The following HSP90B1 variants were observed in gnomAD, a reference collection of about 807,000 sequenced individuals.
HSP90B1 encodes heat shock protein 90 beta family member 1, also known as endoplasmin.
HSP90B1 carries 27 observed loss-of-function variants against 100.4 expected under a neutral mutation model. The ratio of observed to expected loss-of-function variants is 0.27; its 90% CI spans 0.20 to 0.37. The LOEUF (loss-of-function observed/expected upper bound fraction) is 0.37. Ranked by LOEUF, HSP90B1 falls within the 10% of genes least tolerant of loss-of-function variation. The pLI is 1.00. For synonymous variants in HSP90B1, 304 were observed against 330.8 expected (o/e 0.92, Z 0.88); for missense variants, 678 against 960.5 (o/e 0.71, Z 3.89).
At position 103,931,642 on chromosome 12, in the gene HSP90B1, T is replaced by A. The variant is rs202149602; in HGVS notation, c.152+19T>A. On this transcript the variant is annotated intron_variant, in intron 2 of 17. Transcript: ENST00000299767. The stretch of plus-strand genomic sequence containing the variant: ...TACAGAGGTTTGTGTTCATTTGAAC[T>A]TACGTATACAGATAAGCCGTGTGAA... 1 of 1,543,152 alleles carries A rather than the reference T, an allele frequency of 6.5e-7. No individual in the cohort carries two copies. Among genetic ancestry groups the A allele is most frequent in the East Asian group, 2.2e-5 (1 of 44,486 alleles).
intron 14 of HSP90B1, 64 bp from the exon 15 acceptor site, chr12:103,946,554 A>AGGG (rs1305210528): frequency 9.4e-6 from 11 of 1,169,734 alleles, no homozygotes; most frequent in Non-Finnish European, 1.4e-5. Context: ...TGAAAGAATA[A>AGGG]GGGAAACGTA....
chr12:103,931,781 TC>T (rs1869771930), intron 2 of HSP90B1, 158 bp downstream of exon 2: 1 of 675,702 alleles, frequency 1.5e-6, no homozygotes, highest in Admixed American at 2.1e-5. Flanking sequence ...TCCTAACTTG[TC>T]CCTAGGAGTG....
Position 103,946,705 on chromosome 12 carries a change from A to G in HSP90B1, c.2106+9A>G. On this transcript the variant is annotated intron_variant, in intron 15 of 17. Coordinates refer to ENST00000299767, the MANE Select transcript of HSP90B1 (RefSeq NM_003299.3). ...TGCTTCGACGAATTAAGGTAGTATT[A>G]AAGCAGTCCTCTTGCTTGTCTTTTA... is the stretch of plus-strand genomic sequence containing the variant. 3.1e-6 allele frequency: 5 copies of G among 1,613,276 alleles called. No homozygotes were observed. Among genetic ancestry groups the G allele is most frequent in the Non-Finnish European group, 4.2e-6 (5 of 1,179,228 alleles).
chr12:103,938,009 A>G (rs1566166196), intron 6 of HSP90B1, among the ~76,000 whole-genome samples: 1 of 152,110 alleles, frequency 6.6e-6, no homozygotes, highest in East Asian at 1.9e-4. Flanking sequence ...TCTACTAAAA[A>G]TACAAAAATG....
At chr12:103,941,944 G>T in intron 11 of HSP90B1, 47 bp downstream of exon 11, 1 of 1,441,984 alleles carries the variant, frequency 6.9e-7, no homozygotes, top group Non-Finnish European at 9.6e-7. Flanking sequence ...TTTGATTGGG[G>T]TTCAGAGGAC....
intron 5 of HSP90B1, among the ~76,000 whole-genome samples, chr12:103,936,174 CT>C (rs1252056540): frequency 1.3e-5 from 2 of 152,108 alleles, no homozygotes; most frequent in African/African-American, 4.8e-5. Flanking sequence ...TATTCTTAGC[CT>C]AGATCAGGAG....
At chr12:103,947,188 TA>T in intron 16 of HSP90B1, 122 bp from the exon 17 acceptor site, 1 of 1,317,834 alleles carries the variant, frequency 7.6e-7, no homozygotes, top group Non-Finnish European at 1.0e-6. Flanking sequence ...TCATTCTAGT[TA>T]AGAGGATTTA....
rs1869757264 is a variant in HSP90B1 at position 103,931,449 on chromosome 12, T to C, written c.50-72T>C. 2.5e-6 allele frequency: 3 copies of C among 1,213,358 alleles called. No individual in the cohort carries two copies. The Admixed American group carries it at 5.6e-5, about 23-fold the overall frequency. The allele number at this position is 1,213,358 out of a possible 1,614,324, so 75.2% of individuals were successfully genotyped here. On this transcript the variant is annotated intron_variant, in intron 1 of 17. Transcript: ENST00000299767. Reference sequence around the variant, plus strand: ...GTTACCAACTGAATTTTGCAACCCCTACCCTTCCCTATTTGATCATCCTCC... The same window carrying C: ...GTTACCAACTGAATTTTGCAACCCCCACCCTTCCCTATTTGATCATCCTCC...
chr12:103,945,921 A>G (rs1461431311), intron 14 of HSP90B1, among the ~76,000 whole-genome samples: 1 of 152,132 alleles, frequency 6.6e-6, no homozygotes, highest in Non-Finnish European at 1.5e-5. Flanking sequence ...CTGTCTCTAT[A>G]AAAACTAAAT....
rs1870121901 is a variant in HSP90B1 at position 103,943,011 on chromosome 12, G to T, written c.1645-63G>T. On this transcript the variant is annotated intron_variant, in intron 12 of 17. Transcript: ENST00000299767. This position sits in a 1 kb window ranked among gnomAD's most constrained non-coding sequence, Gnocchi z 5.3. The stretch of plus-strand genomic sequence containing the variant: ...TTAATAATGTATAAACATAGCAGCT[G>T]CTAGGATAAACAAATACACCAGGGC... The T allele has an allele frequency of 6.3e-7, 1 of 1,585,840 alleles. No individual in the cohort carries two copies. Among genetic ancestry groups the T allele is most frequent in the Non-Finnish European group, 8.6e-7 (1 of 1,166,574 alleles).
intron 5 of HSP90B1, among the ~76,000 whole-genome samples, chr12:103,936,577 G>A (rs1349480196): frequency 1.3e-5 from 2 of 148,530 alleles, no homozygotes; most frequent in African/African-American, 2.5e-5. Flanking sequence ...AGCCTGGCAG[G>A]TCAAGGCTGC....
At chr12:103,947,039 C>T in intron 16 of HSP90B1, 98 bp downstream of exon 16, 1 of 1,327,812 alleles carries the variant, frequency 7.5e-7, no homozygotes, top group Non-Finnish European at 1.0e-6. Flanking sequence ...AGCTTTGCGA[C>T]ATTTGCCTAA....
chr12:103,939,573 C>A lies in HSP90B1; in HGVS notation c.1040C>A (p.Ser347Ter). The change falls in exon 8 of 18, where the codon TCA becomes TAA. Residue 347 changes from serine (S) to a stop codon, truncating the protein, a stop_gained. Transcript: ENST00000299767. LOFTEE classifies it high-confidence loss of function. ...ATCAAACCAATATGGCAGAGACCAT[C>A]AAAAGAAGTAGAAGAAGATGAATAC... ...NDIKPIWQRP[S>*]KEVEEDEYKA... 1 of 1,587,682 alleles carries A rather than the reference C, an allele frequency of 6.3e-7. No individual in the cohort carries two copies. Among genetic ancestry groups the A allele is most frequent in the Non-Finnish European group, 8.6e-7 (1 of 1,168,180 alleles).
chr12:103,944,069 T>C (rs911313749), intron 14 of HSP90B1, among the ~76,000 whole-genome samples, 195 bp downstream of exon 14: 8 of 152,216 alleles, frequency 5.3e-5, no homozygotes, highest in African/African-American at 1.9e-4. Flanking sequence ...TGACTCATGA[T>C]TTTCTGATTT....
In HSP90B1 at chr12:103,930,707, G is replaced by A; in HGVS notation, c.49+143G>A. On this transcript the variant is annotated intron_variant, in intron 1 of 17. Coordinates refer to ENST00000299767, the MANE Select transcript of HSP90B1 (RefSeq NM_003299.3). This position sits in a 1 kb window ranked among gnomAD's most constrained non-coding sequence, Gnocchi z 4.4. ...GTCACCATTCCTCGAAAGAGGGCAA[G>A]GGAATTACGTTTATTCTCTTCTTCC... The A allele has an allele frequency of 1.5e-6, 1 of 675,852 alleles. No homozygotes were observed. The highest frequency in any genetic ancestry group is 2.5e-6 in the Non-Finnish European group (1 of 402,144). 41.9% of individuals were successfully genotyped at this position (675,852 alleles called of 1,614,324 possible).
chr12:103,941,281 C>T, intron 8 of HSP90B1, 129 bp from the exon 9 acceptor site: 1 of 833,364 alleles, frequency 1.2e-6, no homozygotes, highest in Non-Finnish European at 1.9e-6. Flanking sequence ...TCCCCACCTC[C>T]CGCCAGTAAA....
Position 103,934,155 on chromosome 12 carries a change from T to A in HSP90B1, c.611T>A (p.Leu204His). 1 of 1,614,226 alleles carries A rather than the reference T, an allele frequency of 6.2e-7. No homozygotes were observed. Among genetic ancestry groups the A allele is most frequent in the Non-Finnish European group, 8.5e-7 (1 of 1,180,034 alleles). The change falls in exon 5 of 18, where the codon CTT (leucine) becomes CAT (histidine). Residue 204 changes from leucine to histidine, a missense_variant. This residue lies in a region of HSP90B1 where 238 missense variants were observed against 346.7 expected (regional missense o/e 0.69). Coordinates refer to ENST00000299767, the MANE Select transcript of HSP90B1 (RefSeq NM_003299.3). ...QFGVGFYSAF[L>H]VADKVIVTSK... ...GGTGTCGGTTTCTATTCCGCCTTCCTTGTAGCAGATAAGGTTATTGTCACT... is the reference window on the plus strand; with the variant it reads ...GGTGTCGGTTTCTATTCCGCCTTCCATGTAGCAGATAAGGTTATTGTCACT...
intron 8 of HSP90B1, among the ~76,000 whole-genome samples, chr12:103,940,171 C>T (rs563602970): frequency 6.6e-6 from 1 of 152,284 alleles, no homozygotes; most frequent in South Asian, 2.1e-4. Flanking sequence ...TAAGAACCAC[C>T]TACATAGGTA....
chr12:103,942,511 C>A lies in HSP90B1; in HGVS notation c.1375-16C>A. The A allele has an allele frequency of 6.2e-7, 1 of 1,610,516 alleles. No homozygotes were observed. Among genetic ancestry groups the A allele is most frequent in the South Asian group, 1.1e-5 (1 of 90,816 alleles). On this transcript the variant is annotated splice_polypyrimidine_tract_variant and intron_variant, in intron 11 of 17. Coordinates refer to ENST00000299767, the MANE Select transcript of HSP90B1 (RefSeq NM_003299.3). ...AGATTAACTTCTCTAATCAGTTATT[C>A]TTTCATTGTGTTTAGGTGATTAGGA...
Sources: gnomAD v4.1 joint callset for allele counts (sites outside exome capture counted in the v4.1 genomes callset) on GRCh38, gnomAD v4.1.1 for gene constraint, gnomAD v4.1.1 regional missense constraint, Gnocchi (gnomAD v3.1) non-coding constraint, MANE v1.5 for transcripts, NCBI Gene and HGNC (gene_info 2026-07-23, HGNC 2026-07-21) for gene names.